Variants in RYR2 observed in about 807,000 individuals in gnomAD.
The protein encoded by RYR2 is ryanodine receptor 2.
A neutral mutation model predicts 601.1 loss-of-function variants in RYR2; 227 were observed. That is an observed-to-expected ratio of 0.38 (90% CI 0.34 to 0.42). The LOEUF is 0.42. RYR2 is among the 10% of genes least tolerant of loss of function. RYR2 has a pLI of 1.00. For synonymous variants in RYR2, 2,223 were observed against 2,175.1 expected, an observed-to-expected ratio of 1.02 and a Z score of -0.61; for missense variants, 4,646 against 6,156.5, an observed-to-expected ratio of 0.75 and a Z score of 8.21.
At chr1:237,420,013 C>T (rs773729641) in intron 11 of RYR2, among the ~76,000 whole-genome samples, 7 of 152,206 alleles carry the variant, frequency 4.6e-5, no homozygotes, top group Admixed American at 6.5e-5. Context: ...TTGGGATACT[C>T]GGTCTTCTCT....
chr1:237,707,151 C>T lies in RYR2; in HGVS notation c.9783C>T (p.Ala3261=), dbSNP rs370556829. 9 of 1,613,486 alleles carry T rather than the reference C, an allele frequency of 5.6e-6. No homozygotes were observed. In the African/African-American group the frequency reaches 9.4e-5, roughly 17 times the overall value. ...GACCTGAGAACAATCCAGAACGGGCCGAGATGTGCTGCACAGCCCTGAACT... is the reference window on the plus strand; with the variant it reads ...GACCTGAGAACAATCCAGAACGGGCTGAGATGTGCTGCACAGCCCTGAACT... The part of the protein sequence containing the change: ...EHGPENNPER[A]EMCCTALNSE... Residue 3261 remains alanine (A), a synonymous_variant, in exon 68 of 105, where the codon GCC becomes GCT. Transcript: ENST00000366574.
intron 3 of RYR2, among the ~76,000 whole-genome samples, chr1:237,347,487 A>G (rs911962046): frequency 6.6e-6 from 1 of 152,172 alleles, no homozygotes; most frequent in African/African-American, 2.4e-5. Flanking sequence ...AAAAGTATAT[A>G]ATGTGGATTT....
intron 1 of RYR2, among the ~76,000 whole-genome samples, chr1:237,197,573 T>A (rs1275884535): frequency 2.0e-5 from 3 of 152,190 alleles, no homozygotes; most frequent in African/African-American, 7.2e-5. Context: ...AGCAAATTAC[T>A]GAAAGATGCA....
chr1:237,529,653 C>T (rs533040068), intron 24 of RYR2, among the ~76,000 whole-genome samples: 1 of 151,990 alleles, frequency 6.6e-6, no homozygotes, highest in Non-Finnish European at 1.5e-5. Flanking sequence ...ATTTCTTACT[C>T]TATCAAGGCA....
At chr1:237,605,547 G>A (rs1203656330) in intron 35 of RYR2, among the ~76,000 whole-genome samples, 2 of 152,138 alleles carry the variant, frequency 1.3e-5, no homozygotes, top group Non-Finnish European at 2.9e-5. Context: ...ATTCAACATA[G>A]TGTTGAAAGT....
chr1:237,124,250 G>A (rs940460083), intron 1 of RYR2, among the ~76,000 whole-genome samples: 1 of 152,200 alleles, frequency 6.6e-6, no homozygotes, highest in African/African-American at 2.4e-5. Context: ...GACTCTTAGT[G>A]TAGGAAGGAC....
intron 29 of RYR2, among the ~76,000 whole-genome samples, chr1:237,577,409 C>T (rs1673344870): frequency 6.6e-6 from 1 of 151,798 alleles, no homozygotes; most frequent in Non-Finnish European, 1.5e-5. Context: ...AGATAGTGAT[C>T]TTGAAATGAG....
rs566519524 is a variant in RYR2 at position 237,625,515 on chromosome 1, C to T, written c.6023-146C>T. 4.1e-6 allele frequency: 3 copies of T among 728,294 alleles called. No individual in the cohort carries two copies. In the South Asian group the frequency reaches 6.0e-5, roughly 14 times the overall value. 45.1% of individuals were successfully genotyped at this position (728,294 alleles called of 1,614,324 possible). On this transcript the variant is annotated intron_variant, in intron 39 of 104. Coordinates refer to ENST00000366574, the MANE Select transcript of RYR2 (RefSeq NM_001035.3). ...GACCAGTGAATGTTATTTATGAGGG[C>T]TGGTAAGCAACATTGCTTAACTTAA... is the stretch of plus-strand genomic sequence containing the variant.
Position 237,215,175 on chromosome 1 carries a change from C to T in RYR2, c.49-55322C>T, listed in dbSNP as rs544792236. Among the ~76,000 whole-genome samples, 3 of 152,148 alleles carry T rather than the reference C, an allele frequency of 2.0e-5. No homozygotes were observed. The South Asian group carries it at 6.2e-4, about 32-fold the overall frequency. On this transcript the variant is annotated intron_variant, in intron 1 of 104. Coordinates refer to ENST00000366574, the MANE Select transcript of RYR2 (RefSeq NM_001035.3). ...AGCAACCTTGAAATTTGTTTTTTTC[C>T]CAGAATCATTTGAAAAACATTCCAG...
chr1:237,227,115 A>C (rs1684452137), intron 1 of RYR2, among the ~76,000 whole-genome samples: 1 of 152,128 alleles, frequency 6.6e-6, no homozygotes, highest in Non-Finnish European at 1.5e-5. Flanking sequence ...AGAGATCGAA[A>C]AATGTTGGTC....
chr1:237,134,267 T>C (rs1198362051), intron 1 of RYR2, among the ~76,000 whole-genome samples: 1 of 151,832 alleles, frequency 6.6e-6, no homozygotes, highest in Non-Finnish European at 1.5e-5. Context: ...CACTGATTTC[T>C]GGGTGTTCAG....
At chr1:237,101,030 A>C (rs543471223) in intron 1 of RYR2, among the ~76,000 whole-genome samples, 63 of 152,088 alleles carry the variant, frequency 4.1e-4, no homozygotes, top group African/African-American at 1.4e-3. Context: ...AGGGACCACC[A>C]GCTCCCAAGC....
intron 24 of RYR2, among the ~76,000 whole-genome samples, 175 bp from the exon 25 acceptor site, chr1:237,530,252 A>G (rs2147937995): frequency 6.6e-6 from 1 of 151,714 alleles, no homozygotes; most frequent in Admixed American, 6.6e-5. Flanking sequence ...CGGAGCTTGC[A>G]GTGAGCCGAG....
At chr1:237,282,968 G>A (rs375986871) in intron 2 of RYR2, among the ~76,000 whole-genome samples, 57 of 152,280 alleles carry the variant, frequency 3.7e-4, no homozygotes, top group African/African-American at 1.3e-3. Flanking sequence ...CTTTCTAACA[G>A]TGGATTGCAT....
chr1:237,784,109 C>A lies in RYR2; in HGVS notation c.12397C>A (p.Leu4133Met). Residue 4133 changes from leucine (L) to methionine (M), a missense_variant, in exon 90 of 105, where the codon CTG becomes ATG. Leu to Met is a conservative substitution (Grantham distance 15). Coordinates refer to ENST00000366574, the MANE Select transcript of RYR2 (RefSeq NM_001035.3). This position sits in a 1 kb window ranked among gnomAD's most constrained non-coding sequence, Gnocchi z 7.1. ...CGTCCTGAATTATTTCCAGCCCTTT[C>A]TGGGCCGCATCGAAATCATGGGAAG... The part of the protein sequence containing the change: ...ESVLNYFQPF[L>M]GRIEIMGSAK... The A allele has an allele frequency of 6.2e-7, 1 of 1,613,988 alleles. No homozygotes were observed. Among genetic ancestry groups the A allele is most frequent in the Non-Finnish European group, 8.5e-7 (1 of 1,179,888 alleles).
intron 1 of RYR2, among the ~76,000 whole-genome samples, chr1:237,246,349 G>A (rs1686831327): frequency 6.6e-6 from 1 of 152,076 alleles, no homozygotes; most frequent in Non-Finnish European, 1.5e-5. Flanking sequence ...GCCAGCCTTG[G>A]CTTCCCAAAG....
intron 1 of RYR2, among the ~76,000 whole-genome samples, chr1:237,065,192 AC>A (rs1663414638): frequency 6.7e-6 from 1 of 149,802 alleles, no homozygotes. Flanking sequence ...CTATTTTATC[AC>A]CCATAGATTC....
Position 237,717,250 on chromosome 1 carries a change from A to G in RYR2, c.10376A>G (p.Tyr3459Cys), listed in dbSNP as rs1280498286. The G allele has an allele frequency of 1.9e-6, 3 of 1,613,674 alleles. No individual in the cohort carries two copies. The highest frequency in any genetic ancestry group is 2.5e-6 in the Non-Finnish European group (3 of 1,179,770). ...RKKMKRKGDR[Y>C]SMQTSLIVAA... ...AAAATGAAGCGCAAAGGAGATCGGTATTCCATGCAGACCTCTCTGATTGTA... is the reference window on the plus strand; with the variant it reads ...AAAATGAAGCGCAAAGGAGATCGGTGTTCCATGCAGACCTCTCTGATTGTA... Residue 3459 changes from tyrosine (Y) to cysteine (C), a missense_variant, in exon 72 of 105, where the codon TAT (tyrosine) becomes TGT (cysteine). Physicochemically the swap from Tyr to Cys is radical, Grantham distance 194. Coordinates refer to ENST00000366574, the MANE Select transcript of RYR2 (RefSeq NM_001035.3).
chr1:237,312,860 G>GA (rs1278222948), intron 2 of RYR2, among the ~76,000 whole-genome samples: 4 of 152,164 alleles, frequency 2.6e-5, no homozygotes, highest in Non-Finnish European at 4.4e-5. Context: ...GGATTAAAAT[G>GA]AAAAATAAGA....
Sources: allele counts gnomAD v4.1 joint callset (sites outside exome capture counted in the v4.1 genomes callset), GRCh38; gene constraint gnomAD v4.1.1; non-coding constraint Gnocchi (gnomAD v3.1); transcripts MANE v1.5; gene names NCBI Gene and HGNC (gene_info 2026-07-23, HGNC 2026-07-21).